REELD1: variants seen among roughly 807,000 people sequenced by gnomAD.
REELD1 encodes the protein reelin domain-containing protein 1.
REELD1 carries 12 observed loss-of-function variants against 6.3 expected under a neutral mutation model. The ratio of observed to expected loss-of-function variants is 1.89; its 90% CI spans 1.21 to 3.07. The LOEUF (loss-of-function observed/expected upper bound fraction) is 3.07. Among genes scored for constraint, REELD1 ranks in the 30% most tolerant of loss-of-function variants. REELD1 has a pLI of 0.00. For missense variants in REELD1, 163 were observed against 86.8 expected (o/e 1.88, Z -3.49); for synonymous variants, 57 against 33.6 (o/e 1.70, Z -2.42).
At chr4:146,223,552 T>C (rs1265433131) in intron 4 of REELD1, among the ~76,000 whole-genome samples, 2 of 152,380 alleles carry the variant, frequency 1.3e-5, no homozygotes, top group Non-Finnish European at 2.9e-5. Flanking sequence ...TACAGTCACC[T>C]TTCTTTCTCA....
At chr4:146,222,233 C>T in intron 3 of REELD1, 124 bp from the exon 4 acceptor site, 1 of 397,358 alleles carries the variant, frequency 2.5e-6, no homozygotes, top group Non-Finnish European at 4.4e-6. Flanking sequence ...CTTTACCCCC[C>T]TCTAATGAAT....
At chr4:146,219,574 A>G (rs756699829) in intron 3 of REELD1, among the ~76,000 whole-genome samples, 59 of 152,246 alleles carry the variant, frequency 3.9e-4, no homozygotes, top group Non-Finnish European at 7.2e-4. Context: ...GCAAACTTAT[A>G]AAGGTCTGAC....
intron 5 of REELD1, among the ~76,000 whole-genome samples, chr4:146,227,171 A>G (rs775627097): frequency 3.5e-5 from 5 of 144,800 alleles, no homozygotes; most frequent in Non-Finnish European, 5.9e-5. Context: ...TCCAACAACT[A>G]TAACAATACC....
chr4:146,217,069 G>C lies in REELD1; in HGVS notation c.117G>C (p.Lys39Asn). 1 of 399,342 alleles carries C rather than the reference G, an allele frequency of 2.5e-6. No homozygotes were observed. The highest frequency in any genetic ancestry group is 4.4e-6 in the Non-Finnish European group (1 of 226,566). The allele number at this position is 399,342 out of a possible 1,614,324, so 24.7% of individuals were successfully genotyped here. ...TGGCCTGTGATGACATGCAGCCCAA[G>C]CACATCCAAGCCCAGCCTCAGCACC... is the stretch of plus-strand genomic sequence containing the variant. Reference protein sequence around the residue: ...STVACDDMQPKHIQAQPQHQD... With the variant: ...STVACDDMQPNHIQAQPQHQD... Residue 39 changes from lysine (K) to asparagine (N), a missense_variant, in exon 3 of 8, where the codon AAG becomes AAC. By Grantham distance (94) the Lys-to-Asn change is moderately conservative. Coordinates refer to ENST00000623665, the MANE Select transcript of REELD1 (RefSeq NM_001354631.1).
chr4:146,217,212 G>T, intron 3 of REELD1, 52 bp downstream of exon 3: 1 of 398,824 alleles, frequency 2.5e-6, no homozygotes, highest in South Asian at 1.3e-4. Flanking sequence ...GAGCCCCCAT[G>T]GACCTTCCAG....
In REELD1 at chr4:146,230,272, T is replaced by C. The variant is rs112333419; in HGVS notation, c.1340T>C (p.Leu447Pro). ...CTCAGAACTCCTCAGCTGGGAATTC[T>C]GCTTTGCCTGTCAGCCACCCTGGGC... is the stretch of plus-strand genomic sequence containing the variant. ...IQLRTPQLGI[L>P]LCLSATLGMA... Residue 447 changes from leucine to proline, a missense_variant, in exon 8 of 8, where the codon CTG becomes CCG. Coordinates refer to ENST00000623665, the MANE Select transcript of REELD1 (RefSeq NM_001354631.1). 42 of 398,894 alleles carry C rather than the reference T, an allele frequency of 1.1e-4. 1 individual carries two copies. Among genetic ancestry groups the C allele is most frequent in the African/African-American group, 8.0e-4 (39 of 48,782 alleles). The allele number at this position is 398,894 out of a possible 1,614,324, so 24.7% of individuals were successfully genotyped here. A position where few individuals can be genotyped will look rare whatever the true frequency, so the allele number is the denominator to read the frequency against.
chr4:146,226,701 T>C (rs1296495435), intron 5 of REELD1, among the ~76,000 whole-genome samples: 1 of 152,166 alleles, frequency 6.6e-6, no homozygotes, highest in Non-Finnish European at 1.5e-5. Context: ...TTTCAACATA[T>C]GAATTTTGAG....
chr4:146,217,898 ATGT>A (rs1212404048), intron 3 of REELD1, among the ~76,000 whole-genome samples: 1 of 152,252 alleles, frequency 6.6e-6, no homozygotes, highest in African/African-American at 2.4e-5. Flanking sequence ...TCAAAACATC[ATGT>A]TGTATACTTT....
chr4:146,228,967 T>A, intron 6 of REELD1, 58 bp from the exon 7 acceptor site: 1 of 701,618 alleles, frequency 1.4e-6, no homozygotes, highest in East Asian at 2.7e-5. Context: ...GTAGGAAACA[T>A]TGCTTTTTGG....
intron 3 of REELD1, among the ~76,000 whole-genome samples, chr4:146,220,540 G>C (rs1730906321): frequency 6.6e-6 from 1 of 152,164 alleles, no homozygotes; most frequent in Non-Finnish European, 1.5e-5. Context: ...ACATCATCTA[G>C]ATCCTAAGAT....
chr4:146,229,228 T>G, intron 7 of REELD1, 140 bp downstream of exon 7: 1 of 591,622 alleles, frequency 1.7e-6, no homozygotes, highest in Non-Finnish European at 3.0e-6. Context: ...ACACACAGTG[T>G]CTTTCTACTA....
At position 146,228,469 on chromosome 4, in the gene REELD1, C is replaced by G. The variant is rs1484937040; in HGVS notation, c.855C>G (p.Ala285=). The G allele has an allele frequency of 1.4e-6, 1 of 702,508 alleles. No individual in the cohort carries two copies. Among genetic ancestry groups the G allele is most frequent in the Non-Finnish European group, 2.6e-6 (1 of 384,982 alleles). The allele number at this position is 702,508 out of a possible 1,614,324, so 43.5% of individuals were successfully genotyped here. A position where few individuals can be genotyped will look rare whatever the true frequency, so the allele number is the denominator to read the frequency against. Residue 285 remains alanine, a synonymous_variant, in exon 6 of 8, where the codon GCC becomes GCG. Coordinates refer to ENST00000623665, the MANE Select transcript of REELD1 (RefSeq NM_001354631.1). The part of the protein sequence containing the change: ...LEVHRLERLV[A]LKRVSSESFA... ...TCCACAGGCTGGAGAGGCTCGTGGC[C>G]CTCAAGAGAGTCTCCTCAGAGAGCT...
intron 2 of REELD1, 117 bp from the exon 3 acceptor site, chr4:146,216,825 T>C: frequency 2.5e-6 from 1 of 397,556 alleles, no homozygotes; most frequent in Non-Finnish European, 4.4e-6. Context: ...GAGGCTGCAC[T>C]AAAAGCATCT....
At chr4:146,228,048 G>C (rs1219475143) in intron 5 of REELD1, among the ~76,000 whole-genome samples, 162 bp from the exon 6 acceptor site, 1 of 152,244 alleles carries the variant, frequency 6.6e-6, no homozygotes, top group East Asian at 1.9e-4. Context: ...TGATCAGGCA[G>C]GTCATCTTTA....
At position 146,230,530 on chromosome 4, in the gene REELD1, G is replaced by C; in HGVS notation, c.*17G>C. On this transcript the variant is annotated 3_prime_UTR_variant, in exon 8 of 8. Transcript: ENST00000623665. Reference sequence around the variant, plus strand: ...GTCCTCTGAGAAGACTGTCACCCCAGACCTCTCAGTGGCCCTCCTTGGGCC... The same window carrying C: ...GTCCTCTGAGAAGACTGTCACCCCACACCTCTCAGTGGCCCTCCTTGGGCC... 1 of 398,612 alleles carries C rather than the reference G, an allele frequency of 2.5e-6. No individual in the cohort carries two copies. Among genetic ancestry groups the C allele is most frequent in the Non-Finnish European group, 4.4e-6 (1 of 226,112 alleles). The allele number at this position is 398,612 out of a possible 1,614,324, so 24.7% of individuals were successfully genotyped here.
At chr4:146,228,140 G>A (rs1731057311) in intron 5 of REELD1, 70 bp from the exon 6 acceptor site, 2 of 655,914 alleles carry the variant, frequency 3.0e-6, no homozygotes, top group Admixed American at 4.2e-5. Flanking sequence ...CCTGATCATA[G>A]CTGTTTGTAA....
In REELD1 at chr4:146,230,720, G is replaced by A. The variant is rs1394233536; in HGVS notation, c.*207G>A. 5 of 377,320 alleles carry A rather than the reference G, an allele frequency of 1.3e-5. No individual in the cohort carries two copies. The highest frequency in any genetic ancestry group is 1.1e-4 in the East Asian group (3 of 26,590). 23.4% of individuals were successfully genotyped at this position (377,320 alleles called of 1,614,324 possible). A position where few individuals can be genotyped will look rare whatever the true frequency, so the allele number is the denominator to read the frequency against. On this transcript the variant is annotated 3_prime_UTR_variant, in exon 8 of 8. Coordinates refer to ENST00000623665, the MANE Select transcript of REELD1 (RefSeq NM_001354631.1). ...TTTGTTGTCTTAACATCTGTAATTG[G>A]GCTTCCTTCTTTCTTTTTGCAATTA...
intron 5 of REELD1, 124 bp from the exon 6 acceptor site, chr4:146,228,086 T>C: frequency 1.6e-6 from 1 of 612,994 alleles, no homozygotes; most frequent in Non-Finnish European, 2.9e-6. Flanking sequence ...GCCTCACACT[T>C]AATGGTCTCT....
intron 3 of REELD1, among the ~76,000 whole-genome samples, chr4:146,221,675 A>G (rs1194407750): frequency 6.6e-6 from 1 of 152,312 alleles, no homozygotes; most frequent in Non-Finnish European, 1.5e-5. Context: ...CCTGGCCAAC[A>G]TGATGAAACC....
Sources: gnomAD v4.1 joint callset for allele counts (sites outside exome capture counted in the v4.1 genomes callset) on GRCh38, gnomAD v4.1.1 for gene constraint, MANE v1.5 for transcripts, NCBI Gene and HGNC (gene_info 2026-07-23, HGNC 2026-07-21) for gene names.